The following AGTPBP1 variants were observed in gnomAD, a reference collection of about 807,000 sequenced individuals.
The protein encoded by AGTPBP1 is ATP/GTP binding carboxypeptidase 1.
A neutral mutation model predicts 143.9 loss-of-function variants in AGTPBP1; 70 were observed. That is an observed-to-expected ratio of 0.49 (90% CI 0.40 to 0.59). The LOEUF (loss-of-function observed/expected upper bound fraction) is 0.59, where lower values mean the gene tolerates loss of function less well. AGTPBP1 is among the 20% of genes least tolerant of loss of function. AGTPBP1 has a pLI of 0.00. For synonymous variants in AGTPBP1, 463 were observed against 500.2 expected (o/e 0.93, Z 0.99); for missense variants, 1,229 against 1,464.5 (o/e 0.84, Z 2.62).
At chr9:85,707,249 G>T (rs1011716892) in intron 2 of AGTPBP1, among the ~76,000 whole-genome samples, 3 of 152,072 alleles carry the variant, frequency 2.0e-5, no homozygotes, top group Non-Finnish European at 4.4e-5. Flanking sequence ...ATAGTATTTA[G>T]GGGGAAATTT....
chr9:85,734,150 C>T (rs1839075447), intron 1 of AGTPBP1, among the ~76,000 whole-genome samples: 1 of 151,880 alleles, frequency 6.6e-6, no homozygotes, highest in South Asian at 2.1e-4. Context: ...CTACTCAGGA[C>T]GCTGAGGCAG....
At chr9:85,801,267 G>T in the AGTPBP1 span, among the ~76,000 whole-genome samples, 1 of 152,100 alleles carries the variant, frequency 6.6e-6, no homozygotes, top group Non-Finnish European at 1.5e-5. Context: ...AGCCGAGACT[G>T]CACCACTGCA....
intron 2 of AGTPBP1, among the ~76,000 whole-genome samples, chr9:85,703,218 G>GT (rs1836782602): frequency 6.6e-6 from 1 of 152,188 alleles, no homozygotes; most frequent in East Asian, 1.9e-4. Flanking sequence ...AGTCCTCCTA[G>GT]TTTTTTGAGG....
chr9:85,729,090 A>G (rs527481715), intron 1 of AGTPBP1, among the ~76,000 whole-genome samples: 3 of 152,352 alleles, frequency 2.0e-5, no homozygotes, highest in Admixed American at 2.0e-4. Context: ...AAGTCCAGAA[A>G]TAAACTCATA....
the AGTPBP1 span, among the ~76,000 whole-genome samples, chr9:85,796,915 T>C: frequency 6.6e-6 from 1 of 152,036 alleles, no homozygotes; most frequent in Non-Finnish European, 1.5e-5. Context: ...GCCTCCCGAG[T>C]AGCTGGGACT....
the AGTPBP1 span, among the ~76,000 whole-genome samples, chr9:85,792,881 A>G: frequency 1.3e-5 from 2 of 152,200 alleles, no homozygotes; most frequent in Non-Finnish European, 1.5e-5. Flanking sequence ...AAAATGGGAT[A>G]ACTGTTTGGC....
intron 11 of AGTPBP1, among the ~76,000 whole-genome samples, chr9:85,649,732 T>C (rs906015417): frequency 2.0e-5 from 3 of 152,150 alleles, no homozygotes; most frequent in Non-Finnish European, 2.9e-5. Flanking sequence ...CTTAAAAATT[T>C]TTCTACACTG....
intron 1 of AGTPBP1, chr9:85,741,394 C>T: frequency 5.1e-6 from 5 of 985,316 alleles, no homozygotes; most frequent in Non-Finnish European, 6.0e-6. Context: ...GGCCCTGCAG[C>T]CCCTCGGCTG....
chr9:85,641,706 T>TC (rs1832481915), intron 13 of AGTPBP1, among the ~76,000 whole-genome samples: 1 of 146,650 alleles, frequency 6.8e-6, no homozygotes, highest in Admixed American at 6.8e-5. Flanking sequence ...AAATGTTTCT[T>TC]TTTTTTTTTT....
At chr9:85,636,943 CTT>C (rs1290626775) in intron 13 of AGTPBP1, among the ~76,000 whole-genome samples, 1 of 151,488 alleles carries the variant, frequency 6.6e-6, no homozygotes, top group Non-Finnish European at 1.5e-5. Flanking sequence ...AAAATAGTCT[CTT>C]ATAAAATAAA....
intron 17 of AGTPBP1, among the ~76,000 whole-genome samples, chr9:85,600,371 G>A (rs981946864): frequency 1.3e-5 from 2 of 152,142 alleles, no homozygotes; most frequent in African/African-American, 4.8e-5. Flanking sequence ...AGACAGAGGA[G>A]GGGCTTCAAG....
At chr9:85,714,459 C>T (rs888593095) in intron 1 of AGTPBP1, among the ~76,000 whole-genome samples, 11 of 152,184 alleles carry the variant, frequency 7.2e-5, no homozygotes, top group Admixed American at 2.0e-4. Flanking sequence ...GCCATTTCCA[C>T]GTTTTATATG....
chr9:85,766,582 A>G, the AGTPBP1 span, among the ~76,000 whole-genome samples: 354 of 152,132 alleles, frequency 2.3e-3, 2 homozygotes, highest in Admixed American at 4.2e-3. Flanking sequence ...CATGATACCT[A>G]TTTTGCGGCT....
At chr9:85,786,077 T>G in the AGTPBP1 span, 1 of 1,448,238 alleles carries the variant, frequency 6.9e-7, no homozygotes, top group South Asian at 1.3e-5. Flanking sequence ...ATATCTAATT[T>G]TTTGGTTTGG....
At chr9:85,624,891 A>G (rs184290669) in intron 14 of AGTPBP1, among the ~76,000 whole-genome samples, 1 of 152,340 alleles carries the variant, frequency 6.6e-6, no homozygotes, top group East Asian at 1.9e-4. Context: ...ACGAAGTCTA[A>G]AACGTCATAA....
chr9:85,721,723 C>T (rs1003285594), intron 1 of AGTPBP1, among the ~76,000 whole-genome samples: 2 of 152,072 alleles, frequency 1.3e-5, no homozygotes, highest in Non-Finnish European at 2.9e-5. Context: ...ATGATGTTAG[C>T]TGGTTATTTT....
At chr9:85,773,277 A>G in the AGTPBP1 span, among the ~76,000 whole-genome samples, 3 of 148,226 alleles carry the variant, frequency 2.0e-5, no homozygotes, top group Admixed American at 2.0e-4. Flanking sequence ...AAAAAAAAAA[A>G]AAAAAAAAAG....
the AGTPBP1 span, among the ~76,000 whole-genome samples, chr9:85,761,069 A>G: frequency 6.6e-6 from 1 of 152,230 alleles, no homozygotes; most frequent in Non-Finnish European, 1.5e-5. Context: ...CTTAGAAGGG[A>G]TGTGAAGGAC....
rs750351982 is a variant in AGTPBP1 at position 85,632,664 on chromosome 9, T to C, written c.2013A>G (p.Gln671=). The change falls in exon 14 of 26, where the codon CAA becomes CAG. Residue 671 remains glutamine, a splice_region_variant and synonymous_variant. Coordinates refer to ENST00000357081, the MANE Select transcript of AGTPBP1 (RefSeq NM_001330701.2). ...EPILERPYGV[Q]RTKIAQDIER... is the part of the protein sequence containing the mutation. ...GAGGGAAGAAATATGCAACTCACCTTTGTACACCATAAGGCCTTTCTAAAA... is the reference window on the plus strand; with the variant it reads ...GAGGGAAGAAATATGCAACTCACCTCTGTACACCATAAGGCCTTTCTAAAA... The C allele has an allele frequency of 3.8e-6, 6 of 1,594,900 alleles. No homozygotes were observed. Among genetic ancestry groups the C allele is most frequent in the Non-Finnish European group, 5.1e-6 (6 of 1,170,712 alleles).
Sources: allele counts gnomAD v4.1 joint callset (sites outside exome capture counted in the v4.1 genomes callset), GRCh38; gene constraint gnomAD v4.1.1; transcripts MANE v1.5; gene names NCBI Gene and HGNC (gene_info 2026-07-23, HGNC 2026-07-21).